ODF2L: variants seen among roughly 807,000 people sequenced by gnomAD.
The protein encoded by ODF2L is protein BCAP.
Under a neutral mutation model 86.3 loss-of-function variants are expected in ODF2L, and 76 were observed. The ratio of observed to expected loss-of-function variants is 0.88; its 90% confidence interval spans 0.73 to 1.07. The LOEUF is 1.07. ODF2L is among the 50% of genes least tolerant of loss of function. ODF2L has a pLI of 0.00. For synonymous variants in ODF2L, 241 were observed against 231.3 expected, an observed-to-expected ratio of 1.04 and a Z score of -0.38; for missense variants, 748 against 717.4, an observed-to-expected ratio of 1.04 and a Z score of -0.49.
chr1:86,354,543 TCTTCTAAAG>T, exon 16 of ODF2L: 1 of 1,594,996 alleles, frequency 6.3e-7, no homozygotes, highest in Non-Finnish European at 8.5e-7. Context: ...TTGTCTTCCT[TCTTCTAAAG>T]CAGCTTCCAG....
At chr1:86,358,803 T>A in exon 13 of ODF2L, 1 of 1,409,980 alleles carries the variant, frequency 7.1e-7, no homozygotes, top group Non-Finnish European at 9.8e-7. Flanking sequence ...TACATTTTTA[T>A]TTTTGGTTTT....
downstream of ODF2L, chr1:86,348,884 G>GA: frequency 6.5e-7 from 1 of 1,540,938 alleles, no homozygotes; most frequent in South Asian, 1.3e-5. Context: ...GCTTTCTAAA[G>GA]AAAAAAGGAA....
At chr1:86,385,420 T>C in intron 3 of ODF2L, 38 bp downstream of exon 3, 1 of 1,311,288 alleles carries the variant, frequency 7.6e-7, no homozygotes, top group Non-Finnish European at 1.1e-6. Flanking sequence ...AGTATTATAC[T>C]AGCTTTTCAT....
At chr1:86,383,137 A>G in exon 5 of ODF2L, 1 of 1,551,664 alleles carries the variant, frequency 6.4e-7, no homozygotes, top group Non-Finnish European at 8.8e-7. Flanking sequence ...GACTTACAGT[A>G]TTTTCACTTT....
chr1:86,388,291 A>G (rs1661083183), intron 1 of ODF2L, among the ~76,000 whole-genome samples: 1 of 152,138 alleles, frequency 6.6e-6, no homozygotes, highest in Non-Finnish European at 1.5e-5. Context: ...CCTAAAAGTT[A>G]AGAAGAATAT....
At chr1:86,369,808 A>G (rs988463371) in intron 10 of ODF2L, among the ~76,000 whole-genome samples, 2 of 152,218 alleles carry the variant, frequency 1.3e-5, no homozygotes, top group African/African-American at 4.8e-5. Flanking sequence ...TCAGGCCACA[A>G]CATTTTAGAC....
intron 11 of ODF2L, among the ~76,000 whole-genome samples, chr1:86,361,213 AG>A (rs1345122698): frequency 6.6e-6 from 1 of 152,198 alleles, no homozygotes; most frequent in African/African-American, 2.4e-5. Context: ...GGTCAGAGAC[AG>A]GGGACTTATT....
At chr1:86,348,955 A>C, downstream of ODF2L, 1 of 1,379,568 alleles carries the variant, frequency 7.2e-7, no homozygotes, top group South Asian at 1.6e-5. Context: ...AATATTAAAA[A>C]CATATATACA....
At chr1:86,368,373 C>A (rs1436616607) in intron 11 of ODF2L, among the ~76,000 whole-genome samples, 1 of 151,868 alleles carries the variant, frequency 6.6e-6, no homozygotes, top group Non-Finnish European at 1.5e-5. Context: ...TAGTGCTCGA[C>A]TAATTAGAAG....
intron 17 of ODF2L, among the ~76,000 whole-genome samples, 189 bp downstream of exon 16, chr1:86,352,670 C>A (rs1658223997): frequency 6.6e-6 from 1 of 151,850 alleles, no homozygotes; most frequent in Non-Finnish European, 1.5e-5. Context: ...CAATACATGC[C>A]ATCCAAAGAG....
At chr1:86,355,598 GGGGTTT>G (rs1293423785) in intron 14 of ODF2L, among the ~76,000 whole-genome samples, 5 of 152,064 alleles carry the variant, frequency 3.3e-5, no homozygotes, top group Non-Finnish European at 7.4e-5. Flanking sequence ...TTGTGTCATG[GGGGTTT>G]GTTGTACAGA....
At chr1:86,384,058 C>T (rs906326684) in intron 4 of ODF2L, among the ~76,000 whole-genome samples, 1 of 151,886 alleles carries the variant, frequency 6.6e-6, no homozygotes, top group East Asian at 1.9e-4. Flanking sequence ...GAGAATATTT[C>T]TCTGCTTATC....
At chr1:86,347,468 T>C (rs919879191), downstream of ODF2L, 5 of 152,186 alleles carry the variant, frequency 3.3e-5, no homozygotes. Flanking sequence ...TTTTTTAAAA[T>C]GACACTAATC....
intron 14 of ODF2L, chr1:86,355,464 T>G (rs1321697162): frequency 1.3e-6 from 1 of 752,552 alleles, no homozygotes; most frequent in East Asian, 2.7e-5. Flanking sequence ...TAGGCTAATC[T>G]ATGTCGTTTG....
rs141187215 is a variant in ODF2L, at chr1:86,356,746, ACT to A, written c.1360-146_1360-145del. 6.3e-5 allele frequency: 39 copies of A among 615,046 alleles called. No homozygotes were observed. In the East Asian group the frequency reaches 1.1e-3, roughly 17 times the overall value. 38.1% of individuals were successfully genotyped at this position (615,046 alleles called of 1,614,324 possible). A position where few individuals can be genotyped will look rare whatever the true frequency, so the allele number is the denominator to read the frequency against. ...AAGAACACAACTGAATAAATATTAA[ACT>A]CTGTTAAATAAGAATGTATAACTAA... On this transcript the variant is annotated intron_variant, in intron 13 of 17. Transcript: ENST00000317336.
intron 7 of ODF2L, among the ~76,000 whole-genome samples, chr1:86,381,615 GA>G (rs1222984226): frequency 1.5e-4 from 21 of 142,654 alleles, no homozygotes; most frequent in South Asian, 2.2e-4. Flanking sequence ...GCCTTTGGCG[GA>G]AAAAAAAAAA....
downstream of ODF2L, chr1:86,348,844 A>G: frequency 1.3e-6 from 2 of 1,561,038 alleles, no homozygotes; most frequent in Non-Finnish European, 8.6e-7. Flanking sequence ...ACTATTTTGT[A>G]CTTCTTTCAA....
At position 86,384,729 on chromosome 1, in the gene ODF2L, T is replaced by C. The variant is rs754127013; in HGVS notation, c.319A>G (p.Lys107Glu). ...TGTTCTAAAGCTAGTTTTACACTTTTGAAGGTGTCTAATTCTTTTATTAAT... is the reference window on the plus strand; with the variant it reads ...TGTTCTAAAGCTAGTTTTACACTTTCGAAGGTGTCTAATTCTTTTATTAAT... Residue 107 changes from lysine to glutamate, a missense_variant, in exon 4 of 18, where the codon AAA (lysine) becomes GAA (glutamate). By Grantham distance (56) the Lys-to-Glu change is moderately conservative (BLOSUM62 1). Coordinates refer to ENST00000317336, the Ensembl canonical transcript of ODF2L. The C allele has an allele frequency of 1.3e-6, 2 of 1,532,804 alleles. No individual in the cohort carries two copies. Among genetic ancestry groups the C allele is most frequent in the African/African-American group, 1.4e-5 (1 of 70,640 alleles). The allele number at this position is 1,532,804 out of a possible 1,614,324, so 95.0% of individuals were successfully genotyped here. A position where few individuals can be genotyped will look rare whatever the true frequency, so the allele number is the denominator to read the frequency against.
At chr1:86,356,755 A>C (rs1165543472) in intron 13 of ODF2L, among the ~76,000 whole-genome samples, 153 bp from the exon 13 acceptor site, 1 of 152,230 alleles carries the variant, frequency 6.6e-6, no homozygotes, top group Non-Finnish European at 1.5e-5. Context: ...AACTCTGTTA[A>C]ATAAGAATGT....
Sources: gnomAD v4.1 joint callset for allele counts (sites outside exome capture counted in the v4.1 genomes callset) on GRCh38, gnomAD v4.1.1 for gene constraint, MANE v1.5 for transcripts, NCBI Gene and HGNC (gene_info 2026-07-23, HGNC 2026-07-21) for gene names.